The following PTPRD variants were observed in gnomAD, a reference collection of about 807,000 sequenced individuals.
The protein encoded by PTPRD is protein tyrosine phosphatase receptor type D, also known as receptor-type tyrosine-protein phosphatase delta.
In PTPRD, 34 loss-of-function variants were observed where a neutral mutation model predicts 214.5. The ratio of observed to expected loss-of-function variants is 0.16; its 90% CI spans 0.12 to 0.21. The LOEUF (loss-of-function observed/expected upper bound fraction) is 0.21. Among genes scored for constraint, PTPRD ranks in the 10% least tolerant of loss-of-function variants. The probability of loss-of-function intolerance (pLI) is 1.00; values close to 1 mark genes in which losing one functional copy is unlikely to be tolerated. For synonymous variants in PTPRD, 1,128 were observed against 845.7 expected, an observed-to-expected ratio of 1.33 and a Z score of -5.79; for missense variants, 2,545 against 2,398.7, an observed-to-expected ratio of 1.06 and a Z score of -1.27.
chr9:9,587,424 T>A lies in PTPRD; in HGVS notation c.-286-12643A>T, dbSNP rs543865445. Among the ~76,000 whole-genome samples the A allele has an allele frequency of 5.9e-5, 9 of 152,196 alleles. No homozygotes were observed. The South Asian group carries it at 1.4e-3, about 25-fold the overall frequency. ...CAATGAAACTACTTGCCCATGGGCA[T>A]AGATCTAGATAGGAGAGGGGCTTGC... On this transcript the variant is annotated intron_variant, in intron 7 of 45. Transcript: ENST00000381196.
At chr9:9,052,273 T>C (rs1156262987) in intron 10 of PTPRD, among the ~76,000 whole-genome samples, 6 of 152,204 alleles carry the variant, frequency 3.9e-5, no homozygotes, top group African/African-American at 7.2e-5. Context: ...CCCCACCTCC[T>C]AATATCAACA....
intron 3 of PTPRD, among the ~76,000 whole-genome samples, chr9:10,178,104 T>C (rs1262467116): frequency 1.3e-5 from 2 of 151,938 alleles, no homozygotes; most frequent in African/African-American, 2.4e-5. Context: ...TGAGCAATTA[T>C]AGTAAGGACT....
At chr9:10,136,213 A>G (rs2098942230) in intron 3 of PTPRD, among the ~76,000 whole-genome samples, 1 of 152,090 alleles carries the variant, frequency 6.6e-6, no homozygotes, top group Non-Finnish European at 1.5e-5. Flanking sequence ...GCAATGCAAC[A>G]TTGGCACTCA....
At chr9:10,277,619 G>A (rs2094789966) in intron 3 of PTPRD, among the ~76,000 whole-genome samples, 1 of 152,152 alleles carries the variant, frequency 6.6e-6, no homozygotes, top group Non-Finnish European at 1.5e-5. Flanking sequence ...GTATTCGAGG[G>A]TTAACTTTCC....
intron 30 of PTPRD, among the ~76,000 whole-genome samples, chr9:8,479,665 T>C (rs946414164): frequency 2.0e-5 from 3 of 152,238 alleles, no homozygotes; most frequent in African/African-American, 7.2e-5. Flanking sequence ...CAATTTCCAA[T>C]AATAGCTAAC....
At chr9:9,186,273 A>G (rs2099931411) in intron 9 of PTPRD, among the ~76,000 whole-genome samples, 1 of 152,144 alleles carries the variant, frequency 6.6e-6, no homozygotes, top group Non-Finnish European at 1.5e-5. Context: ...TTCATTTCCC[A>G]GCTGTCTGCC....
intron 5 of PTPRD, among the ~76,000 whole-genome samples, chr9:9,795,594 G>A (rs1359195265): frequency 6.6e-6 from 1 of 152,106 alleles, no homozygotes; most frequent in African/African-American, 2.4e-5. Context: ...GCTAGATAAT[G>A]AAGCATATAC....
chr9:9,114,574 G>T (rs948771352), intron 10 of PTPRD, among the ~76,000 whole-genome samples: 4 of 152,078 alleles, frequency 2.6e-5, no homozygotes, highest in African/African-American at 9.7e-5. Context: ...CAGTGTATAT[G>T]TCATAGCAAT....
At chr9:9,819,216 G>C (rs73641375) in intron 5 of PTPRD, among the ~76,000 whole-genome samples, 5,673 of 152,204 alleles carry the variant, frequency 0.037, 343 homozygotes, top group African/African-American at 0.13. Flanking sequence ...GTGAGGAAGT[G>C]TCTTCATTGA....
chr9:8,538,720 A>C (rs1364363354), intron 14 of PTPRD, among the ~76,000 whole-genome samples: 2 of 151,810 alleles, frequency 1.3e-5, no homozygotes, highest in African/African-American at 2.4e-5. Context: ...ATGCACAAAC[A>C]TACATTCTTT....
chr9:9,767,451 T>G (rs1198718668), intron 5 of PTPRD, among the ~76,000 whole-genome samples: 1 of 152,020 alleles, frequency 6.6e-6, no homozygotes, highest in African/African-American at 2.4e-5. Context: ...AAAATAGAAT[T>G]GCTGAGTTGA....
chr9:10,370,381 A>C (rs2097586324), intron 2 of PTPRD, among the ~76,000 whole-genome samples: 1 of 152,068 alleles, frequency 6.6e-6, no homozygotes, highest in South Asian at 2.1e-4. Flanking sequence ...GAAGACACTA[A>C]CGCTGTGAAA....
intron 3 of PTPRD, among the ~76,000 whole-genome samples, chr9:10,278,322 T>C (rs2094850545): frequency 6.6e-6 from 1 of 152,230 alleles, no homozygotes; most frequent in Non-Finnish European, 1.5e-5. Context: ...AGTCTATGCC[T>C]GTCCTTAATA....
intron 3 of PTPRD, among the ~76,000 whole-genome samples, chr9:10,123,654 A>G (rs1563960776): frequency 6.6e-6 from 1 of 152,214 alleles, no homozygotes; most frequent in African/African-American, 2.4e-5. Flanking sequence ...ACGTGGGCAG[A>G]TCAATAAAAG....
chr9:10,181,275 G>C (rs917333592), intron 3 of PTPRD, among the ~76,000 whole-genome samples: 1 of 151,978 alleles, frequency 6.6e-6, no homozygotes, highest in Non-Finnish European at 1.5e-5. Context: ...AATAAAAAGA[G>C]AAACTACAAC....
chr9:9,945,571 T>G (rs10739205), intron 4 of PTPRD, among the ~76,000 whole-genome samples: 2 of 151,920 alleles, frequency 1.3e-5, no homozygotes, highest in Admixed American at 6.6e-5. Context: ...AGTTAAGTAA[T>G]GCAAGTTGAA....
intron 9 of PTPRD, among the ~76,000 whole-genome samples, chr9:9,275,938 G>A (rs960510342): frequency 9.3e-5 from 14 of 151,134 alleles, no homozygotes; most frequent in Non-Finnish European, 1.8e-4. Context: ...TAAACCAACC[G>A]TGCCTTATGC....
intron 2 of PTPRD, among the ~76,000 whole-genome samples, chr9:10,343,900 G>C (rs1349882993): frequency 1.3e-5 from 2 of 149,092 alleles, no homozygotes; most frequent in Non-Finnish European, 3.0e-5. Context: ...GTAGATTCTG[G>C]ATATTAGCTC....
At chr9:8,701,160 CA>C (rs1172696518) in intron 12 of PTPRD, among the ~76,000 whole-genome samples, 1 of 150,078 alleles carries the variant, frequency 6.7e-6, no homozygotes, top group Admixed American at 6.6e-5. Context: ...GACTCCATCT[CA>C]AAAAAAAGAA....
Sources: gnomAD v4.1 joint callset for allele counts (sites outside exome capture counted in the v4.1 genomes callset) on GRCh38, gnomAD v4.1.1 for gene constraint, MANE v1.5 for transcripts, NCBI Gene and HGNC (gene_info 2026-07-23, HGNC 2026-07-21) for gene names.